The following PEX7 variants were observed in gnomAD, a reference collection of about 807,000 sequenced individuals.
PEX7 encodes the protein peroxisomal biogenesis factor 7.
A neutral mutation model predicts 47.5 loss-of-function variants in PEX7; 34 were observed. The observed-to-expected ratio is 0.72, with a 90% CI of 0.54 to 0.95. PEX7 has a LOEUF of 0.95. Ranked by LOEUF, PEX7 falls within the 40% of genes least tolerant of loss-of-function variation. The probability of loss-of-function intolerance (pLI) is 0.00; values close to 1 mark genes in which losing one functional copy is unlikely to be tolerated. For synonymous variants in PEX7, 141 were observed against 148.8 expected (o/e 0.95, Z 0.38); for missense variants, 394 against 400.3 (o/e 0.98, Z 0.13).
Position 136,878,969 on chromosome 6 carries a change from AAAAAAATT to A in PEX7, c.803+6719_803+6726del, listed in dbSNP as rs1775327134. On this transcript the variant is annotated intron_variant, in intron 8 of 9. Coordinates refer to ENST00000318471, the MANE Select transcript of PEX7 (RefSeq NM_000288.4). The stretch of plus-strand genomic sequence containing the variant: ...TTTAAATGCCTTCATAAGTTTTCTG[AAAAAAATT>A]AACCGTTTATTGCCTGGTTGTGAGT... Among the ~76,000 whole-genome samples, 7 of 152,102 alleles carry A rather than the reference AAAAAAATT, an allele frequency of 4.6e-5. 1 individual carries two copies. The Middle Eastern group carries it at 0.014, about 296-fold the overall frequency.
chr6:136,885,186 C>G (rs1007557548), intron 8 of PEX7, among the ~76,000 whole-genome samples: 17 of 152,258 alleles, frequency 1.1e-4, no homozygotes, highest in African/African-American at 4.1e-4. Context: ...GGAAGAGCAG[C>G]ATTCCGTGTC....
Position 136,884,042 on chromosome 6 carries a change from C to T in PEX7, c.803+11789C>T, listed in dbSNP as rs80287734. 7.6e-4 allele frequency among the ~76,000 whole-genome samples: 116 copies of T among 152,142 alleles called. 2 individuals carry two copies. The East Asian group carries it at 0.021, about 28-fold the overall frequency. ...ATTGCATATTCCAATATAGGATTAT[C>T]GAAGACTTTCTTGTAACAAGGAAAA... On this transcript the variant is annotated intron_variant, in intron 8 of 9. Coordinates refer to ENST00000318471, the MANE Select transcript of PEX7 (RefSeq NM_000288.4).
In PEX7 at chr6:136,874,879, C is replaced by G. The variant is rs144064349; in HGVS notation, c.803+2626C>G. On this transcript the variant is annotated intron_variant, in intron 8 of 9. Transcript: ENST00000318471. Reference sequence around the variant, plus strand: ...TTTCAGCTGGGTGCAGTAGCTCATGCGTGTAATCCCAGCACTTTGGGAGGC... The same window carrying G: ...TTTCAGCTGGGTGCAGTAGCTCATGGGTGTAATCCCAGCACTTTGGGAGGC... 2.2e-4 allele frequency among the ~76,000 whole-genome samples: 34 copies of G among 152,200 alleles called. No homozygotes were observed. The South Asian group carries it at 6.6e-3, about 30-fold the overall frequency.
intron 8 of PEX7, among the ~76,000 whole-genome samples, chr6:136,893,202 C>CTTTTTTTTTTTTT (rs1487406339): frequency 9.3e-5 from 14 of 150,454 alleles, no homozygotes; most frequent in Non-Finnish European, 1.8e-4. Context: ...CTTTTTTTTT[C>CTTTTTTTTTTTTT]TTTTTTTAAA....
intron 8 of PEX7, among the ~76,000 whole-genome samples, chr6:136,886,272 C>T (rs1000974958): frequency 5.9e-5 from 9 of 152,234 alleles, no homozygotes; most frequent in Non-Finnish European, 1.0e-4. Context: ...TATTTAGAAA[C>T]GTTCTATAGA....
At chr6:136,823,251 C>A in intron 1 of PEX7, 2 of 985,428 alleles carry the variant, frequency 2.0e-6, no homozygotes, top group Non-Finnish European at 1.2e-6. Flanking sequence ...TGAGCTGCGA[C>A]CTGCGGGCTG....
At chr6:136,840,268 GT>G in intron 3 of PEX7, among the ~76,000 whole-genome samples, 1 of 152,106 alleles carries the variant, frequency 6.6e-6, no homozygotes, top group Non-Finnish European at 1.5e-5. Flanking sequence ...TACCATTAGC[GT>G]CCCCTGCTTA....
intron 8 of PEX7, among the ~76,000 whole-genome samples, chr6:136,897,302 T>C (rs976653048): frequency 5.9e-5 from 9 of 152,224 alleles, no homozygotes. Context: ...GATATGACTC[T>C]GTGATCCTGA....
At chr6:136,877,282 ATAGT>A (rs1325659311) in intron 8 of PEX7, among the ~76,000 whole-genome samples, 1 of 151,838 alleles carries the variant, frequency 6.6e-6, no homozygotes, top group Non-Finnish European at 1.5e-5. Context: ...CACTCTGATG[ATAGT>A]TTGTTTTGCT....
intron 3 of PEX7, chr6:136,830,090 G>T: frequency 2.8e-6 from 2 of 702,392 alleles, no homozygotes. Context: ...TAATAAAGAC[G>T]TATAGCATGG....
intron 5 of PEX7, among the ~76,000 whole-genome samples, chr6:136,848,102 T>A (rs1180997672): frequency 1.1e-4 from 16 of 152,146 alleles, no homozygotes; most frequent in Middle Eastern, 3.2e-3. Flanking sequence ...ATTCCCTTTG[T>A]AGCAATTGTG....
intron 3 of PEX7, among the ~76,000 whole-genome samples, chr6:136,827,531 TG>T (rs1774217018): frequency 6.6e-6 from 1 of 151,352 alleles, no homozygotes. Context: ...TGTGTGTGTG[TG>T]TGTGTGTGTG....
chr6:136,860,668 TAAA>T (rs752108336), intron 5 of PEX7, among the ~76,000 whole-genome samples: 1 of 90,838 alleles, frequency 1.1e-5, no homozygotes, highest in Admixed American at 1.1e-4. Flanking sequence ...AAAGTATAAT[TAAA>T]AAAAAAAAGA....
intron 3 of PEX7, among the ~76,000 whole-genome samples, chr6:136,832,911 T>G (rs1423183586): frequency 6.6e-6 from 1 of 152,212 alleles, no homozygotes; most frequent in East Asian, 1.9e-4. Flanking sequence ...TCAGAACCAT[T>G]TAAGAAGTCT....
intron 3 of PEX7, among the ~76,000 whole-genome samples, chr6:136,842,024 G>GTTTTTTTTTTTTTTTTTT: frequency 6.8e-6 from 1 of 148,010 alleles, no homozygotes. Flanking sequence ...TTTGAGACAG[G>GTTTTTTTTTTTTTTTTTT]TTCTCACTCT....
chr6:136,844,870 G>C (rs1039815793), intron 3 of PEX7, among the ~76,000 whole-genome samples: 1 of 152,306 alleles, frequency 6.6e-6, no homozygotes, highest in African/African-American at 2.4e-5. Context: ...GTATATGTGG[G>C]AGAGAGTAGT....
At chr6:136,850,975 T>A (rs1410384401) in intron 5 of PEX7, among the ~76,000 whole-genome samples, 7 of 125,656 alleles carry the variant, frequency 5.6e-5, no homozygotes, top group African/African-American at 1.3e-4. Context: ...CTGTCTTTTT[T>A]TTTTATTTTT....
chr6:136,869,750 T>G, intron 6 of PEX7, 140 bp from the exon 7 acceptor site: 1 of 771,204 alleles, frequency 1.3e-6, no homozygotes, highest in Non-Finnish European at 2.4e-6. Context: ...TGTCTATACT[T>G]GTTATACAAC....
At chr6:136,897,452 T>A (rs1237594766) in intron 8 of PEX7, among the ~76,000 whole-genome samples, 2 of 152,212 alleles carry the variant, frequency 1.3e-5, no homozygotes, top group Non-Finnish European at 2.9e-5. Context: ...GAGAGCTTGA[T>A]TATGGTAAAT....
Sources: allele counts gnomAD v4.1 joint callset (sites outside exome capture counted in the v4.1 genomes callset), GRCh38; gene constraint gnomAD v4.1.1; transcripts MANE v1.5; gene names NCBI Gene and HGNC (gene_info 2026-07-23, HGNC 2026-07-21).